Variants in BBX observed in about 807,000 individuals in gnomAD.
BBX encodes HMG box transcription factor BBX.
In BBX, 30 loss-of-function variants were observed where a neutral mutation model predicts 100.2. The observed-to-expected ratio is 0.30, with a 90% CI of 0.22 to 0.41. The LOEUF (loss-of-function observed/expected upper bound fraction) is 0.41. Among genes scored for constraint, BBX ranks in the 10% least tolerant of loss-of-function variants. The pLI is 1.00. For synonymous variants in BBX, 376 were observed against 388.1 expected (o/e 0.97, Z 0.37); for missense variants, 1,023 against 1,129.8 (o/e 0.91, Z 1.35).
chr3:107,678,861 A>G (rs942323607), intron 3 of BBX, among the ~76,000 whole-genome samples: 2 of 152,180 alleles, frequency 1.3e-5, no homozygotes, highest in African/African-American at 4.8e-5. Context: ...CAAGCAGTGT[A>G]TGTGTATATA....
intron 3 of BBX, among the ~76,000 whole-genome samples, chr3:107,671,869 C>T (rs2059038066): frequency 1.3e-5 from 2 of 152,018 alleles, no homozygotes; most frequent in East Asian, 1.9e-4. Flanking sequence ...CCTAGTTTTA[C>T]GATTCTGTTT....
At chr3:107,712,461 C>T (rs1374126011) in intron 4 of BBX, among the ~76,000 whole-genome samples, 1 of 152,194 alleles carries the variant, frequency 6.6e-6, no homozygotes, top group East Asian at 1.9e-4. Flanking sequence ...AGGGCAACTG[C>T]AACATTCCCA....
chr3:107,613,941 GTT>G (rs533672871), intron 2 of BBX, among the ~76,000 whole-genome samples: 1,138 of 86,588 alleles, frequency 0.013, 24 homozygotes, highest in African/African-American at 0.044. Context: ...ACATACCATG[GTT>G]TTTTTTTTTT....
At chr3:107,635,777 A>G (rs1289080764) in intron 2 of BBX, among the ~76,000 whole-genome samples, 3 of 148,716 alleles carry the variant, frequency 2.0e-5, no homozygotes, top group Non-Finnish European at 3.0e-5. Context: ...CAGTGGCACC[A>G]TCTCGGCTCA....
chr3:107,706,960 GT>G (rs1263429856), intron 3 of BBX, among the ~76,000 whole-genome samples: 2 of 151,938 alleles, frequency 1.3e-5, no homozygotes, highest in African/African-American at 4.8e-5. Context: ...TCCCTTCACT[GT>G]TTTGCCTTCT....
chr3:107,580,512 G>A (rs564109836), intron 2 of BBX, among the ~76,000 whole-genome samples: 2 of 152,022 alleles, frequency 1.3e-5, no homozygotes, highest in African/African-American at 2.4e-5. Context: ...GTCTTTTGAT[G>A]TAATTATAGT....
chr3:107,778,774 T>G (rs2067541743), intron 13 of BBX, among the ~76,000 whole-genome samples: 2 of 151,930 alleles, frequency 1.3e-5, no homozygotes, highest in Admixed American at 1.3e-4. Context: ...ATGTTACACA[T>G]GGTCTTCAAC....
At chr3:107,584,078 AT>A (rs2052551412) in intron 2 of BBX, among the ~76,000 whole-genome samples, 6 of 31,226 alleles carry the variant, frequency 1.9e-4, no homozygotes, top group Admixed American at 5.5e-4. Context: ...TATTATATAT[AT>A]TATATATATC....
At chr3:107,684,983 T>G (rs1438031787) in intron 3 of BBX, among the ~76,000 whole-genome samples, 1 of 152,154 alleles carries the variant, frequency 6.6e-6, no homozygotes, top group African/African-American at 2.4e-5. Flanking sequence ...TTTTAGAAAG[T>G]AGAGTTGGTT....
intron 2 of BBX, among the ~76,000 whole-genome samples, chr3:107,610,945 C>T (rs1224029727): frequency 1.3e-5 from 2 of 151,672 alleles, no homozygotes; most frequent in East Asian, 1.9e-4. Context: ...CCTTACTTTT[C>T]GTCTTCCTTT....
At chr3:107,664,687 A>G (rs2107880849) in intron 3 of BBX, among the ~76,000 whole-genome samples, 1 of 152,358 alleles carries the variant, frequency 6.6e-6, no homozygotes, top group South Asian at 2.1e-4. Flanking sequence ...TATCATAAGA[A>G]TAAATGTTCT....
At chr3:107,542,373 A>T (rs904654016) in intron 2 of BBX, among the ~76,000 whole-genome samples, 16 of 152,232 alleles carry the variant, frequency 1.1e-4, no homozygotes, top group African/African-American at 3.6e-4. Context: ...TGAGTATACT[A>T]ACTTTGGAAC....
chr3:107,576,829 A>G (rs894893655), intron 2 of BBX, among the ~76,000 whole-genome samples: 1 of 152,078 alleles, frequency 6.6e-6, no homozygotes, highest in South Asian at 2.1e-4. Flanking sequence ...GAAGCTCTTT[A>G]TAAGCATTAA....
chr3:107,551,867 G>A (rs1172001613), intron 2 of BBX, among the ~76,000 whole-genome samples: 1 of 152,166 alleles, frequency 6.6e-6, no homozygotes, highest in African/African-American at 2.4e-5. Flanking sequence ...CAGATTATTT[G>A]TATTCTTCAC....
intron 2 of BBX, among the ~76,000 whole-genome samples, chr3:107,536,767 C>T (rs1011795150): frequency 6.6e-6 from 1 of 152,018 alleles, no homozygotes; most frequent in Admixed American, 6.5e-5. Flanking sequence ...TGGTGCTTGA[C>T]CTAGACTTTG....
At chr3:107,579,058 A>C (rs1331389620) in intron 2 of BBX, among the ~76,000 whole-genome samples, 1 of 152,160 alleles carries the variant, frequency 6.6e-6, no homozygotes, top group African/African-American at 2.4e-5. Flanking sequence ...TTTCGTAATG[A>C]GAGGGATTAC....
intron 3 of BBX, among the ~76,000 whole-genome samples, chr3:107,700,745 C>T (rs1355744779): frequency 2.0e-5 from 3 of 151,304 alleles, no homozygotes; most frequent in Non-Finnish European, 2.9e-5. Flanking sequence ...GCTTCATCCA[C>T]GTCCCTACAA....
Position 107,798,535 on chromosome 3 carries a change from A to G in BBX, c.2366A>G (p.Glu789Gly), listed in dbSNP as rs1281957376. 9 of 1,613,784 alleles carry G rather than the reference A, an allele frequency of 5.6e-6. No homozygotes were observed. The highest frequency in any genetic ancestry group is 1.3e-5 in the African/African-American group (1 of 74,892). The change falls in exon 16 of 18, where the codon GAA becomes GGA. Residue 789 changes from glutamate (E) to glycine (G), a missense_variant. Coordinates refer to ENST00000325805, the MANE Select transcript of BBX (RefSeq NM_001142568.3). Reference protein sequence around the residue: ...AIHPTEAIFSEDRNTMEPVHK... With the variant: ...AIHPTEAIFSGDRNTMEPVHK... ...TTTCCTATTTCAGCCATATTTTCAG[A>G]AGACAGAAACACCATGGAGCCTGTT...
At chr3:107,710,422 C>T in intron 3 of BBX, 30 bp from the exon 4 acceptor site, 6 of 1,523,260 alleles carry the variant, frequency 3.9e-6, no homozygotes, top group South Asian at 1.3e-5. Context: ...TCCCTGTTTC[C>T]CTGTTTCTCT....
Sources: gnomAD v4.1 joint callset for allele counts (sites outside exome capture counted in the v4.1 genomes callset) on GRCh38, gnomAD v4.1.1 for gene constraint, MANE v1.5 for transcripts, NCBI Gene and HGNC (gene_info 2026-07-23, HGNC 2026-07-21) for gene names.